The following VCAN variants were observed in gnomAD, a reference collection of about 807,000 sequenced individuals.
VCAN encodes the protein versican, also known as versican core protein.
VCAN carries 44 observed loss-of-function variants against 245.5 expected under a neutral mutation model. That is an observed-to-expected ratio of 0.18 (90% CI 0.14 to 0.23). The LOEUF is 0.23. Ranked by LOEUF, VCAN falls within the 10% of genes least tolerant of loss-of-function variation. VCAN has a pLI of 1.00. For synonymous variants in VCAN, 1,413 were observed against 1,437.0 expected (o/e 0.98, Z 0.38); for missense variants, 3,793 against 4,057.9 (o/e 0.93, Z 1.77).
At chr5:83,575,082 C>A (rs1202222624) in intron 13 of VCAN, among the ~76,000 whole-genome samples, 1 of 152,030 alleles carries the variant, frequency 6.6e-6, no homozygotes, top group South Asian at 2.1e-4. Flanking sequence ...AAATATAAAC[C>A]TATTTGATTA....
At chr5:83,560,228 G>A (rs1030824145) in intron 12 of VCAN, among the ~76,000 whole-genome samples, 5 of 152,004 alleles carry the variant, frequency 3.3e-5, no homozygotes, top group Non-Finnish European at 5.9e-5. Context: ...TATCAGGGCA[G>A]GTTTTCCATG....
intron 13 of VCAN, among the ~76,000 whole-genome samples, chr5:83,574,268 G>T (rs367998636): frequency 6.6e-6 from 1 of 152,130 alleles, no homozygotes; most frequent in South Asian, 2.1e-4. Flanking sequence ...AACACTCTGA[G>T]ACGTGCCCCA....
Position 83,520,597 on chromosome 5 carries a change from G to A in VCAN, c.2291G>A (p.Arg764Lys), listed in dbSNP as rs1561244322. The part of the protein sequence containing the change: ...TKLSAEPTEV[R>K]DMEEDFTATP... ...TTAAGTGCAGAGCCAACAGAAGTAA[G>A]AGATATGGAGGAAGACTTTACAGCA... The change falls in exon 7 of 15, where the codon AGA becomes AAA. Residue 764 changes from arginine to lysine, a missense_variant. Coordinates refer to ENST00000265077, the MANE Select transcript of VCAN (RefSeq NM_004385.5). 5.6e-6 allele frequency: 9 copies of A among 1,614,042 alleles called. No individual in the cohort carries two copies. Among genetic ancestry groups the A allele is most frequent in the Middle Eastern group, 1.6e-4 (1 of 6,062 alleles).
intron 6 of VCAN, among the ~76,000 whole-genome samples, chr5:83,518,181 A>G (rs761876309): frequency 1.8e-4 from 27 of 152,140 alleles, no homozygotes; most frequent in Non-Finnish European, 3.7e-4. Context: ...TCTTCAGGAC[A>G]GTTCTTTTGA....
At chr5:83,507,653 G>C (rs1185340492) in intron 5 of VCAN, among the ~76,000 whole-genome samples, 4 of 152,168 alleles carry the variant, frequency 2.6e-5, no homozygotes, top group African/African-American at 9.7e-5. Flanking sequence ...TTTGCCTCTA[G>C]GCATTAGATG....
intron 13 of VCAN, among the ~76,000 whole-genome samples, chr5:83,577,989 G>A (rs1384697168): frequency 6.6e-6 from 1 of 152,080 alleles, no homozygotes; most frequent in African/African-American, 2.4e-5. Flanking sequence ...AAATTTGTTA[G>A]CATAGCACCA....
intron 13 of VCAN, among the ~76,000 whole-genome samples, chr5:83,579,194 A>G (rs1748575965): frequency 6.6e-6 from 1 of 152,190 alleles, no homozygotes; most frequent in Admixed American, 6.5e-5. Context: ...GACTTTGTCC[A>G]TATTTCAAAA....
In VCAN at chr5:83,516,270, C is replaced by A. The variant is rs550570007; in HGVS notation, c.1043-3079C>A. Among the ~76,000 whole-genome samples, 12 of 151,848 alleles carry A rather than the reference C, an allele frequency of 7.9e-5. 1 individual carries two copies. The South Asian group carries it at 2.5e-3, about 32-fold the overall frequency. ...CTGCACTCCAGCCTGGACTACAGAGCAAGACTCTGTCTCAAAAAAAAAAAT... is the reference window on the plus strand; with the variant it reads ...CTGCACTCCAGCCTGGACTACAGAGAAAGACTCTGTCTCAAAAAAAAAAAT... On this transcript the variant is annotated intron_variant, in intron 6 of 14. Coordinates refer to ENST00000265077, the MANE Select transcript of VCAN (RefSeq NM_004385.5).
chr5:83,494,738 A>G (rs543882684), intron 5 of VCAN, among the ~76,000 whole-genome samples: 1 of 152,342 alleles, frequency 6.6e-6, no homozygotes, highest in African/African-American at 2.4e-5. Context: ...AGATAGCTTC[A>G]GTTCAGGAGT....
At chr5:83,566,562 C>T (rs1748084694) in intron 12 of VCAN, among the ~76,000 whole-genome samples, 1 of 152,092 alleles carries the variant, frequency 6.6e-6, no homozygotes, top group Non-Finnish European at 1.5e-5. Context: ...AAAGCAGAGA[C>T]CTCTCCCCAC....
chr5:83,569,610 G>C lies in VCAN; in HGVS notation c.9736-2806G>C, dbSNP rs543489910. ...GAAGAAAAAGAAATTAAGAAAGGGAGATGGGACAGTGTAGGTAGGGACAAA... is the reference window on the plus strand; with the variant it reads ...GAAGAAAAAGAAATTAAGAAAGGGACATGGGACAGTGTAGGTAGGGACAAA... On this transcript the variant is annotated intron_variant, in intron 12 of 14. Coordinates refer to ENST00000265077, the MANE Select transcript of VCAN (RefSeq NM_004385.5). Among the ~76,000 whole-genome samples, 4 of 152,272 alleles carry C rather than the reference G, an allele frequency of 2.6e-5. No homozygotes were observed. In the South Asian group the frequency reaches 6.2e-4, roughly 24 times the overall value.
chr5:83,530,259 T>C (rs756999489), intron 7 of VCAN, among the ~76,000 whole-genome samples: 1 of 152,166 alleles, frequency 6.6e-6, no homozygotes, highest in Non-Finnish European at 1.5e-5. Flanking sequence ...TTACAAATTC[T>C]TGATACATTT....
chr5:83,528,414 T>C (rs1478699377), intron 7 of VCAN, among the ~76,000 whole-genome samples: 1 of 152,028 alleles, frequency 6.6e-6, no homozygotes, highest in Non-Finnish European at 1.5e-5. Context: ...ATAGAGTTTC[T>C]AAACAGCTTC....
intron 3 of VCAN, among the ~76,000 whole-genome samples, chr5:83,492,167 G>A (rs1345013630): frequency 6.6e-6 from 1 of 152,090 alleles, no homozygotes; most frequent in Non-Finnish European, 1.5e-5. Context: ...CTATGAGATG[G>A]GTAGTCTTTT....
intron 10 of VCAN, among the ~76,000 whole-genome samples, chr5:83,551,336 G>T (rs1301830516): frequency 1.3e-5 from 2 of 151,888 alleles, no homozygotes; most frequent in Non-Finnish European, 2.9e-5. Flanking sequence ...CATGGTGAAA[G>T]CCTGTCTCCA....
chr5:83,576,906 A>G (rs993828135), intron 13 of VCAN, among the ~76,000 whole-genome samples: 5 of 152,064 alleles, frequency 3.3e-5, no homozygotes, highest in Non-Finnish European at 7.4e-5. Context: ...ATTTTTGAAA[A>G]TTGTTTACTT....
At chr5:83,529,339 A>G (rs1746430491) in intron 7 of VCAN, among the ~76,000 whole-genome samples, 2 of 134,328 alleles carry the variant, frequency 1.5e-5, no homozygotes, top group African/African-American at 3.2e-5. Flanking sequence ...AATATTTGAA[A>G]AAAAAAAAAA....
intron 3 of VCAN, among the ~76,000 whole-genome samples, chr5:83,492,280 A>G (rs1223518124): frequency 6.6e-6 from 1 of 152,200 alleles, no homozygotes; most frequent in Admixed American, 6.5e-5. Flanking sequence ...CAGGCTGCAG[A>G]AGATAAACTG....
At chr5:83,529,765 T>C (rs1746447196) in intron 7 of VCAN, among the ~76,000 whole-genome samples, 1 of 152,172 alleles carries the variant, frequency 6.6e-6, no homozygotes, top group Non-Finnish European at 1.5e-5. Flanking sequence ...TGCAAGTCAC[T>C]GTGACAGGCA....
Sources: allele counts gnomAD v4.1 joint callset (sites outside exome capture counted in the v4.1 genomes callset), GRCh38; gene constraint gnomAD v4.1.1; transcripts MANE v1.5; gene names NCBI Gene and HGNC (gene_info 2026-07-23, HGNC 2026-07-21).